KLHL7: variants seen among roughly 807,000 people sequenced by gnomAD.
KLHL7 encodes the protein kelch like family member 7.
A neutral mutation model predicts 67.4 loss-of-function variants in KLHL7; 44 were observed. The observed-to-expected ratio is 0.65, with a 90% CI of 0.51 to 0.84. KLHL7 has a LOEUF of 0.84. Among genes scored for constraint, KLHL7 ranks in the 40% least tolerant of loss-of-function variants. The pLI is 0.00. For missense variants in KLHL7, 362 were observed against 718.1 expected (o/e 0.50, Z 5.67); for synonymous variants, 252 against 243.3 (o/e 1.04, Z -0.33).
intron 1 of KLHL7, among the ~76,000 whole-genome samples, chr7:23,111,992 GA>G (rs1479481388): frequency 6.6e-6 from 1 of 152,126 alleles, no homozygotes; most frequent in Non-Finnish European, 1.5e-5. Context: ...CATCAATGAA[GA>G]AAAAGTGATA....
chr7:23,142,617 C>G (rs184419893), intron 5 of KLHL7, among the ~76,000 whole-genome samples: 16 of 152,280 alleles, frequency 1.1e-4, no homozygotes, highest in Non-Finnish European at 1.8e-4. Flanking sequence ...AGTATGCACA[C>G]TTGATGTAAT....
intron 5 of KLHL7, 24 bp from the exon 6 acceptor site, chr7:23,143,827 T>C: frequency 6.2e-7 from 1 of 1,612,894 alleles, no homozygotes; most frequent in Non-Finnish European, 8.5e-7. Context: ...CTAAGAACTT[T>C]ACTGTGCTGT....
At chr7:23,114,519 C>T (rs1783005578) in intron 1 of KLHL7, among the ~76,000 whole-genome samples, 1 of 152,168 alleles carries the variant, frequency 6.6e-6, no homozygotes, top group Non-Finnish European at 1.5e-5. Flanking sequence ...CCACCCCAAA[C>T]TCCAGCACAA....
At chr7:23,117,493 G>A (rs750539533) in intron 1 of KLHL7, among the ~76,000 whole-genome samples, 1 of 152,064 alleles carries the variant, frequency 6.6e-6, no homozygotes, top group African/African-American at 2.4e-5. Context: ...AGCTCTTAAA[G>A]GGCAATTATG....
At chr7:23,164,143 A>G (rs920401703) in intron 7 of KLHL7, among the ~76,000 whole-genome samples, 3 of 151,320 alleles carry the variant, frequency 2.0e-5, no homozygotes, top group African/African-American at 7.3e-5. Context: ...CTGACTTCCC[A>G]TCTATTCTTC....
At chr7:23,140,588 A>AG (rs1784146960) in intron 4 of KLHL7, 181 bp from the exon 5 acceptor site, 2 of 683,320 alleles carry the variant, frequency 2.9e-6, no homozygotes, top group Non-Finnish European at 2.5e-6. Flanking sequence ...CAAAAAAAAA[A>AG]CCAGTCTTTT....
chr7:23,135,233 A>G (rs1383171362), intron 4 of KLHL7, among the ~76,000 whole-genome samples: 3 of 152,142 alleles, frequency 2.0e-5, no homozygotes, highest in Non-Finnish European at 4.4e-5. Context: ...ATGTGTTTGT[A>G]TAGTTTACAA....
At chr7:23,134,211 A>G (rs1783896812) in intron 4 of KLHL7, among the ~76,000 whole-genome samples, 1 of 152,060 alleles carries the variant, frequency 6.6e-6, no homozygotes, top group Non-Finnish European at 1.5e-5. Context: ...AAATTTTCTT[A>G]TGGTTTTTAT....
At chr7:23,129,802 T>G (rs1008807860) in intron 4 of KLHL7, 1 of 156,812 alleles carries the variant, frequency 6.4e-6, no homozygotes, top group African/African-American at 2.4e-5. Flanking sequence ...TCCTACAAAC[T>G]AAAGTTCCAC....
intron 1 of KLHL7, among the ~76,000 whole-genome samples, chr7:23,121,795 G>T (rs1282003921): frequency 1.3e-5 from 2 of 149,460 alleles, no homozygotes; most frequent in South Asian, 4.3e-4. Flanking sequence ...CCGTTCTCCT[G>T]CCTCAGTCTC....
chr7:23,120,450 T>C (rs2128459086), intron 1 of KLHL7, among the ~76,000 whole-genome samples: 1 of 152,370 alleles, frequency 6.6e-6, no homozygotes, highest in South Asian at 2.1e-4. Flanking sequence ...AATGTAGTGA[T>C]GTTTCAATGC....
chr7:23,130,952 T>C (rs896578451), intron 4 of KLHL7, among the ~76,000 whole-genome samples: 2 of 152,200 alleles, frequency 1.3e-5, no homozygotes, highest in African/African-American at 4.8e-5. Flanking sequence ...AGAATTTACA[T>C]AATGGTTAAC....
Position 23,175,053 on chromosome 7 carries a change from A to G in KLHL7, c.*755A>G. 4.4e-6 allele frequency: 2 copies of G among 453,772 alleles called. No individual in the cohort carries two copies. The highest frequency in any genetic ancestry group is 8.8e-6 in the Non-Finnish European group (2 of 226,606). 28.1% of individuals were successfully genotyped at this position (453,772 alleles called of 1,614,324 possible). A position where few individuals can be genotyped will look rare whatever the true frequency, so the allele number is the denominator to read the frequency against. ...CCTCACTGTTAAATAAAACCCAATC[A>G]TAGTAAGTGATTAACTAGCAAAAAG... On this transcript the variant is annotated 3_prime_UTR_variant, in exon 11 of 11. Transcript: ENST00000339077.
intron 1 of KLHL7, among the ~76,000 whole-genome samples, chr7:23,120,509 C>G (rs1005911521): frequency 6.6e-6 from 1 of 152,160 alleles, no homozygotes; most frequent in Non-Finnish European, 1.5e-5. Flanking sequence ...TCCATTCTCT[C>G]AAACGCTTAT....
intron 7 of KLHL7, among the ~76,000 whole-genome samples, chr7:23,163,732 CAT>C (rs1432331894): frequency 1.3e-5 from 2 of 152,188 alleles, no homozygotes; most frequent in African/African-American, 4.8e-5. Flanking sequence ...GATGTGTCCA[CAT>C]GTGTACGTGT....
chr7:23,172,127 G>A (rs1323330139), intron 9 of KLHL7: 1 of 456,186 alleles, frequency 2.2e-6, no homozygotes, highest in Non-Finnish European at 4.4e-6. Flanking sequence ...GTTTAAGTTA[G>A]CTGCTGAAAG....
At chr7:23,140,581 A>AC in intron 4 of KLHL7, 188 bp from the exon 5 acceptor site, 2 of 678,522 alleles carry the variant, frequency 2.9e-6, no homozygotes, top group East Asian at 2.8e-5. Context: ...CAAAAAACAA[A>AC]AAAAAAACCA....
At chr7:23,120,000 A>G (rs1783264876) in intron 1 of KLHL7, among the ~76,000 whole-genome samples, 1 of 151,864 alleles carries the variant, frequency 6.6e-6, no homozygotes. Flanking sequence ...GGTTTGTTTT[A>G]TTTTATTATT....
intron 7 of KLHL7, among the ~76,000 whole-genome samples, chr7:23,159,512 T>C (rs538828740): frequency 1.3e-5 from 2 of 152,144 alleles, no homozygotes; most frequent in South Asian, 2.1e-4. Context: ...GATATGACCT[T>C]AGGCAAGTCA....
Sources: allele counts gnomAD v4.1 joint callset (sites outside exome capture counted in the v4.1 genomes callset), GRCh38; gene constraint gnomAD v4.1.1; transcripts MANE v1.5; gene names NCBI Gene and HGNC (gene_info 2026-07-23, HGNC 2026-07-21).